The following ZNF521 variants were observed in gnomAD, a reference collection of about 807,000 sequenced individuals.
ZNF521 encodes the protein zinc finger protein 521.
In ZNF521, 14 loss-of-function variants were observed where a neutral mutation model predicts 105.5. The ratio of observed to expected loss-of-function variants is 0.13; its 90% confidence interval spans 0.09 to 0.21. The LOEUF (loss-of-function observed/expected upper bound fraction) is 0.21, where lower values mean the gene tolerates loss of function less well. Among genes scored for constraint, ZNF521 ranks in the 10% least tolerant of loss-of-function variants. The probability of loss-of-function intolerance (pLI) is 1.00; values close to 1 mark genes in which losing one functional copy is unlikely to be tolerated. For synonymous variants in ZNF521, 635 were observed against 606.0 expected (o/e 1.05, Z -0.70); for missense variants, 1,233 against 1,629.7 (o/e 0.76, Z 4.19).
intron 4 of ZNF521, among the ~76,000 whole-genome samples, chr18:25,218,214 T>C (rs1486713024): frequency 2.0e-5 from 3 of 152,024 alleles, no homozygotes; most frequent in African/African-American, 7.2e-5. Context: ...GTGTTTTAGA[T>C]GGATGGTTCT....
intron 3 of ZNF521, among the ~76,000 whole-genome samples, chr18:25,307,463 A>C (rs755984008): frequency 2.6e-5 from 4 of 152,146 alleles, no homozygotes; most frequent in Non-Finnish European, 5.9e-5. Context: ...TAGCTGGGTG[A>C]TATCTGTGAA....
At chr18:25,279,089 C>T (rs1910210884) in intron 3 of ZNF521, among the ~76,000 whole-genome samples, 1 of 152,034 alleles carries the variant, frequency 6.6e-6, no homozygotes, top group African/African-American at 2.4e-5. Context: ...GTCATGCCAC[C>T]CATGGCTTCT....
intron 5 of ZNF521, among the ~76,000 whole-genome samples, chr18:25,156,460 G>A (rs2035146887): frequency 6.6e-6 from 1 of 152,172 alleles, no homozygotes; most frequent in African/African-American, 2.4e-5. Flanking sequence ...TCTCTTCAAA[G>A]CAGAGATGCA....
At position 25,205,141 on chromosome 18, in the gene ZNF521, T is replaced by TAAAAAAA. The variant is rs34563599; in HGVS notation, c.3574-9904_3574-9898dup. On this transcript the variant is annotated intron_variant, in intron 4 of 7. Transcript: ENST00000361524. Reference sequence around the variant, plus strand: ...GACTAAATTGATGCCGTAGTGAAGGTAAAAAAAAAAAAAAAAAAAAAAAAA... The same window carrying TAAAAAAA: ...GACTAAATTGATGCCGTAGTGAAGGTAAAAAAAAAAAAAAAAAAAAAAAAAAAAAAAA... Among the ~76,000 whole-genome samples the TAAAAAAA allele has an allele frequency of 2.4e-3, 179 of 74,900 alleles. 9 individuals are homozygous for TAAAAAAA. Among genetic ancestry groups the TAAAAAAA allele is most frequent in the African/African-American group, 8.9e-3 (143 of 16,058 alleles). The allele number at this position is 74,900 out of a possible 152,430, so 49.1% of individuals were successfully genotyped here.
intron 5 of ZNF521, among the ~76,000 whole-genome samples, chr18:25,126,228 A>C (rs2034536079): frequency 6.6e-6 from 1 of 152,174 alleles, no homozygotes; most frequent in East Asian, 1.9e-4. Context: ...CTTTTTTCCC[A>C]ATTAAATTGA....
At chr18:25,284,323 A>G (rs1201514245) in intron 3 of ZNF521, among the ~76,000 whole-genome samples, 1 of 152,200 alleles carries the variant, frequency 6.6e-6, no homozygotes, top group Non-Finnish European at 1.5e-5. Context: ...ACACACATAC[A>G]CACACTAAAC....
At chr18:25,183,815 G>A (rs1202454874) in intron 5 of ZNF521, among the ~76,000 whole-genome samples, 1 of 152,070 alleles carries the variant, frequency 6.6e-6, no homozygotes. Context: ...GATAAATGTG[G>A]TTAGAGAACC....
At chr18:25,104,043 T>C (rs893615576) in intron 5 of ZNF521, among the ~76,000 whole-genome samples, 1 of 152,168 alleles carries the variant, frequency 6.6e-6, no homozygotes, top group African/African-American at 2.4e-5. Flanking sequence ...TGAGACATAA[T>C]AGTTATGGAG....
intron 2 of ZNF521, among the ~76,000 whole-genome samples, chr18:25,343,104 T>C (rs1914299802): frequency 6.6e-6 from 1 of 152,250 alleles, no homozygotes; most frequent in Non-Finnish European, 1.5e-5. Flanking sequence ...TATGAATATA[T>C]GGAACTGTCT....
At chr18:25,303,930 C>G (rs1245098985) in intron 3 of ZNF521, among the ~76,000 whole-genome samples, 1 of 152,156 alleles carries the variant, frequency 6.6e-6, no homozygotes, top group Non-Finnish European at 1.5e-5. Flanking sequence ...ATTTCTCAAT[C>G]TTCTCATTTT....
chr18:25,334,427 C>T (rs887466686), intron 2 of ZNF521, among the ~76,000 whole-genome samples: 2 of 152,158 alleles, frequency 1.3e-5, no homozygotes, highest in Non-Finnish European at 2.9e-5. Flanking sequence ...TTTTCTGCTT[C>T]AGCCATACTA....
chr18:25,236,803 A>C lies in ZNF521; in HGVS notation c.221-9106T>G, dbSNP rs547725009. On this transcript the variant is annotated intron_variant, in intron 3 of 7. Coordinates refer to ENST00000361524, the MANE Select transcript of ZNF521 (RefSeq NM_015461.3). ...GATAATGTTTATAAAAGTACTATATAAACTGGAAAGCCAAAGCTATTTTCT... is the reference window on the plus strand; with the variant it reads ...GATAATGTTTATAAAAGTACTATATCAACTGGAAAGCCAAAGCTATTTTCT... Among the ~76,000 whole-genome samples the C allele has an allele frequency of 8.5e-5, 13 of 152,336 alleles. No homozygotes were observed. In the South Asian group the frequency reaches 2.5e-3, roughly 29 times the overall value.
At chr18:25,185,614 TA>T in intron 5 of ZNF521, among the ~76,000 whole-genome samples, 1 of 152,180 alleles carries the variant, frequency 6.6e-6, no homozygotes, top group Non-Finnish European at 1.5e-5. Flanking sequence ...ATACAGCATA[TA>T]AAGGGGCAAT....
intron 4 of ZNF521, among the ~76,000 whole-genome samples, chr18:25,217,755 A>G (rs990309144): frequency 1.3e-5 from 2 of 152,214 alleles, no homozygotes; most frequent in African/African-American, 4.8e-5. Context: ...AATTAATCAG[A>G]GGAAAAGACA....
At chr18:25,202,105 G>A (rs1416140188) in intron 4 of ZNF521, 1 of 152,094 alleles carries the variant, frequency 6.6e-6, no homozygotes, top group Non-Finnish European at 1.5e-5. Flanking sequence ...CCTTTTAAGT[G>A]AACTTTGGAA....
At chr18:25,229,278 C>G (rs1292028618) in intron 3 of ZNF521, among the ~76,000 whole-genome samples, 1 of 152,164 alleles carries the variant, frequency 6.6e-6, no homozygotes, top group Non-Finnish European at 1.5e-5. Flanking sequence ...GATGACAACA[C>G]CATCTCACTA....
chr18:25,096,218 G>A (rs368509761), intron 5 of ZNF521, among the ~76,000 whole-genome samples: 4 of 152,258 alleles, frequency 2.6e-5, no homozygotes, highest in South Asian at 4.1e-4. Flanking sequence ...AAAGGAAAGC[G>A]TCTGCATACA....
intron 5 of ZNF521, among the ~76,000 whole-genome samples, chr18:25,180,741 G>GC (rs1464623450): frequency 1.3e-5 from 2 of 152,048 alleles, no homozygotes; most frequent in African/African-American, 4.8e-5. Context: ...CAGCATTCCA[G>GC]CCCAAAACGA....
chr18:25,283,209 C>T (rs1180040637), intron 3 of ZNF521, among the ~76,000 whole-genome samples: 3 of 152,210 alleles, frequency 2.0e-5, no homozygotes, highest in Non-Finnish European at 4.4e-5. Flanking sequence ...TTCCACCAGG[C>T]CCCTCACTTT....
Sources: allele counts gnomAD v4.1 joint callset (sites outside exome capture counted in the v4.1 genomes callset), GRCh38; gene constraint gnomAD v4.1.1; transcripts MANE v1.5; gene names NCBI Gene and HGNC (gene_info 2026-07-23, HGNC 2026-07-21).